The following HS6ST3 variants were observed in gnomAD, a reference collection of about 807,000 sequenced individuals.
HS6ST3 encodes the protein heparan sulfate 6-O-sulfotransferase 3.
HS6ST3 carries 12 observed loss-of-function variants against 36.7 expected under a neutral mutation model. The ratio of observed to expected loss-of-function variants is 0.33; its 90% CI spans 0.21 to 0.53. HS6ST3 has a LOEUF of 0.53. HS6ST3 is among the 20% of genes least tolerant of loss of function. The pLI, the probability that HS6ST3 is intolerant of heterozygous loss-of-function variation, is 0.95. For missense variants in HS6ST3, 584 were observed against 640.9 expected (o/e 0.91, Z 0.96); for synonymous variants, 240 against 257.5 (o/e 0.93, Z 0.65).
chr13:96,188,070 T>C (rs1026793435), intron 1 of HS6ST3, among the ~76,000 whole-genome samples: 5 of 152,184 alleles, frequency 3.3e-5, no homozygotes, highest in Non-Finnish European at 5.9e-5. Flanking sequence ...TCTGGTGTGT[T>C]CCTCTTCCCC....
At chr13:96,411,399 C>G (rs1273574574) in intron 1 of HS6ST3, among the ~76,000 whole-genome samples, 1 of 152,166 alleles carries the variant, frequency 6.6e-6, no homozygotes, top group Non-Finnish European at 1.5e-5. Context: ...ATGAGGAGAA[C>G]ATTCTAAGCA....
chr13:96,600,252 C>T (rs2056416500), intron 1 of HS6ST3, among the ~76,000 whole-genome samples: 1 of 151,692 alleles, frequency 6.6e-6, no homozygotes, highest in Non-Finnish European at 1.5e-5. Context: ...TGAACTCCCC[C>T]ACTATTATTG....
At chr13:96,229,330 TAGTC>T (rs1739803556) in intron 1 of HS6ST3, among the ~76,000 whole-genome samples, 1 of 152,166 alleles carries the variant, frequency 6.6e-6, no homozygotes, top group Admixed American at 6.5e-5. Context: ...ACTGGTGCAT[TAGTC>T]AGGTCAGGCT....
At chr13:96,649,631 C>T (rs996072038) in intron 1 of HS6ST3, among the ~76,000 whole-genome samples, 5 of 152,070 alleles carry the variant, frequency 3.3e-5, no homozygotes, top group African/African-American at 9.7e-5. Flanking sequence ...TGTCCACTTC[C>T]TCCACCTCCA....
chr13:96,686,123 A>G (rs1464629346), intron 1 of HS6ST3, among the ~76,000 whole-genome samples: 8 of 152,012 alleles, frequency 5.3e-5, no homozygotes, highest in Non-Finnish European at 1.2e-4. Context: ...ACAACTCATC[A>G]TCACACTTTC....
At position 96,091,115 on chromosome 13, in the gene HS6ST3, G is replaced by T; in HGVS notation, c.253G>T (p.Ala85Ser). Residue 85 changes from alanine to serine, a missense_variant, in exon 1 of 2, where the codon GCC becomes TCC. Physicochemically the swap from Ala to Ser is moderately conservative, Grantham distance 99. Transcript: ENST00000376705. ...GGGGCCCCCCGAGGGACCTCGGGGG[G>T]CCGCGGCGCCGGAGGAGGAGGACGA... ...PRGPPEGPRGAAAPEEEDEEP... is the reference protein window; with the variant it reads ...PRGPPEGPRGSAAPEEEDEEP... 1 of 1,424,556 alleles carries T rather than the reference G, an allele frequency of 7.0e-7. No individual in the cohort carries two copies. Among genetic ancestry groups the T allele is most frequent in the Non-Finnish European group, 9.1e-7 (1 of 1,094,056 alleles). 88.2% of individuals were successfully genotyped at this position (1,424,556 alleles called of 1,614,324 possible). A position where few individuals can be genotyped will look rare whatever the true frequency, so the allele number is the denominator to read the frequency against.
chr13:96,475,440 A>G (rs1479488430), intron 1 of HS6ST3, among the ~76,000 whole-genome samples: 1 of 152,084 alleles, frequency 6.6e-6, no homozygotes, highest in African/African-American at 2.4e-5. Flanking sequence ...CTGCTTGATA[A>G]TAAATATATA....
chr13:96,569,795 C>G (rs963385748), intron 1 of HS6ST3, among the ~76,000 whole-genome samples: 2 of 152,154 alleles, frequency 1.3e-5, no homozygotes, highest in African/African-American at 2.4e-5. Context: ...AAAATGTAAA[C>G]CCTGCTCAGG....
At chr13:96,798,053 T>C (rs1237071767) in intron 1 of HS6ST3, among the ~76,000 whole-genome samples, 1 of 152,046 alleles carries the variant, frequency 6.6e-6, no homozygotes, top group African/African-American at 2.4e-5. Context: ...CCACAACCCC[T>C]TCTTTGGGTT....
intron 1 of HS6ST3, among the ~76,000 whole-genome samples, chr13:96,172,864 C>T (rs1465150621): frequency 6.6e-6 from 1 of 152,104 alleles, no homozygotes; most frequent in Non-Finnish European, 1.5e-5. Context: ...TAATACTTAT[C>T]TCTCAGTAGG....
intron 1 of HS6ST3, among the ~76,000 whole-genome samples, chr13:96,689,045 C>G (rs888357912): frequency 6.6e-6 from 1 of 152,092 alleles, no homozygotes; most frequent in Non-Finnish European, 1.5e-5. Context: ...TTGATTCACA[C>G]TTTATAGTCT....
intron 1 of HS6ST3, among the ~76,000 whole-genome samples, chr13:96,496,618 G>C (rs2055978311): frequency 6.6e-6 from 1 of 152,106 alleles, no homozygotes; most frequent in Non-Finnish European, 1.5e-5. Context: ...ATTCCAGGTG[G>C]GATGCCAGAC....
intron 1 of HS6ST3, among the ~76,000 whole-genome samples, chr13:96,272,833 G>C (rs1229056343): frequency 6.6e-6 from 1 of 151,852 alleles, no homozygotes; most frequent in Non-Finnish European, 1.5e-5. Flanking sequence ...GTTCTTAAAG[G>C]AATCACTTAG....
rs534671775 is a variant in HS6ST3, at chr13:96,621,268, G to A, written c.708-211222G>A. ...ACCCGAATTGTAATCCCCAGGTGTCGAGGGAGGGACCTTGTGGGAAGTGAT... is the reference window on the plus strand; with the variant it reads ...ACCCGAATTGTAATCCCCAGGTGTCAAGGGAGGGACCTTGTGGGAAGTGAT... On this transcript the variant is annotated intron_variant, in intron 1 of 1. Coordinates refer to ENST00000376705, the MANE Select transcript of HS6ST3 (RefSeq NM_153456.4). Among the ~76,000 whole-genome samples, 17 of 152,292 alleles carry A rather than the reference G, an allele frequency of 1.1e-4. No homozygotes were observed. The East Asian group carries it at 1.2e-3, about 10-fold the overall frequency.
At chr13:96,551,786 C>CG (rs1566394240) in intron 1 of HS6ST3, among the ~76,000 whole-genome samples, 1 of 152,146 alleles carries the variant, frequency 6.6e-6, no homozygotes, top group Admixed American at 6.5e-5. Flanking sequence ...CGCCACCCGC[C>CG]GGAGCATACT....
intron 1 of HS6ST3, among the ~76,000 whole-genome samples, chr13:96,399,242 G>C (rs980815407): frequency 2.6e-5 from 4 of 152,168 alleles, no homozygotes; most frequent in African/African-American, 9.7e-5. Flanking sequence ...ATAAAATCTA[G>C]TTTTTAATTT....
rs955411562 is a variant in HS6ST3 at position 96,676,685 on chromosome 13, G to A, written c.708-155805G>A. Among the ~76,000 whole-genome samples, 6 of 152,016 alleles carry A rather than the reference G, an allele frequency of 3.9e-5. No individual in the cohort carries two copies. In the South Asian group the frequency reaches 1.2e-3, roughly 32 times the overall value. On this transcript the variant is annotated intron_variant, in intron 1 of 1. Transcript: ENST00000376705. The stretch of plus-strand genomic sequence containing the variant: ...AGTAGTCTACCTCAAGGTTTTTGAG[G>A]TCTAAGTCATAATTTTCTAAATTAT...
chr13:96,330,280 A>T (rs1057365863), intron 1 of HS6ST3, among the ~76,000 whole-genome samples: 12 of 151,770 alleles, frequency 7.9e-5, no homozygotes, highest in Admixed American at 6.6e-4. Flanking sequence ...CCTAGTCTTG[A>T]TGGTCTTTAC....
chr13:96,638,079 G>A (rs2056556124), intron 1 of HS6ST3, among the ~76,000 whole-genome samples: 1 of 152,056 alleles, frequency 6.6e-6, no homozygotes, highest in Non-Finnish European at 1.5e-5. Context: ...GTTTTACCTG[G>A]ACAGAGAGGA....
Sources: gnomAD v4.1 joint callset for allele counts (sites outside exome capture counted in the v4.1 genomes callset) on GRCh38, gnomAD v4.1.1 for gene constraint, MANE v1.5 for transcripts, NCBI Gene and HGNC (gene_info 2026-07-23, HGNC 2026-07-21) for gene names.